The following TNFRSF21 variants were observed in gnomAD, a reference collection of about 807,000 sequenced individuals.
The protein encoded by TNFRSF21 is tumor necrosis factor receptor superfamily member 21.
A neutral mutation model predicts 45.6 loss-of-function variants in TNFRSF21; 19 were observed. That is an observed-to-expected ratio of 0.42 (90% confidence interval 0.29 to 0.61). The LOEUF is 0.61. Ranked by LOEUF, TNFRSF21 falls within the 20% of genes least tolerant of loss-of-function variation. The probability of loss-of-function intolerance (pLI) is 0.23; values close to 1 mark genes in which losing one functional copy is unlikely to be tolerated. For missense variants in TNFRSF21, 737 were observed against 851.5 expected (o/e 0.87, Z 1.67); for synonymous variants, 314 against 335.5 (o/e 0.94, Z 0.70).
intron 1 of TNFRSF21, among the ~76,000 whole-genome samples, chr6:47,300,870 A>C (rs1487721849): frequency 6.6e-6 from 1 of 152,250 alleles, no homozygotes; most frequent in African/African-American, 2.4e-5. Context: ...AATGCCTGAC[A>C]TTTAATAGAT....
chr6:47,270,415 G>A (rs1044868007), intron 3 of TNFRSF21, among the ~76,000 whole-genome samples: 1 of 152,208 alleles, frequency 6.6e-6, no homozygotes, highest in Non-Finnish European at 1.5e-5. Flanking sequence ...ACCTGCAGCT[G>A]AGGGACCTGA....
chr6:47,237,571 T>C (rs1319616461), intron 4 of TNFRSF21, among the ~76,000 whole-genome samples: 1 of 152,178 alleles, frequency 6.6e-6, no homozygotes, highest in Non-Finnish European at 1.5e-5. Flanking sequence ...AAGAAAGCCA[T>C]ATTTCCAGAG....
chr6:47,308,997 C>A (rs1188572707), intron 1 of TNFRSF21, among the ~76,000 whole-genome samples: 1 of 152,192 alleles, frequency 6.6e-6, no homozygotes, highest in East Asian at 1.9e-4. Context: ...CGGCCTCGGC[C>A]GGCCGTGGGA....
chr6:47,238,038 A>G (rs1206388563), intron 4 of TNFRSF21, among the ~76,000 whole-genome samples: 2 of 152,184 alleles, frequency 1.3e-5, no homozygotes, highest in African/African-American at 4.8e-5. Flanking sequence ...CGACGGAGTG[A>G]GACTCTGTCT....
intron 4 of TNFRSF21, among the ~76,000 whole-genome samples, chr6:47,250,386 G>C (rs1764884634): frequency 6.6e-6 from 1 of 152,224 alleles, no homozygotes; most frequent in Non-Finnish European, 1.5e-5. Context: ...TTTAGATATT[G>C]AACTTGAAAG....
chr6:47,256,480 A>G (rs1397167401), intron 3 of TNFRSF21, among the ~76,000 whole-genome samples: 1 of 152,202 alleles, frequency 6.6e-6, no homozygotes, highest in Non-Finnish European at 1.5e-5. Flanking sequence ...CCAAGATTAC[A>G]CAACTGCACT....
intron 1 of TNFRSF21, among the ~76,000 whole-genome samples, chr6:47,304,506 A>G (rs1385348065): frequency 6.6e-6 from 1 of 152,204 alleles, no homozygotes; most frequent in Non-Finnish European, 1.5e-5. Context: ...CACCTGCCAG[A>G]GCCAGCCCAG....
At chr6:47,300,744 C>A (rs1384828785) in intron 1 of TNFRSF21, among the ~76,000 whole-genome samples, 1 of 152,180 alleles carries the variant, frequency 6.6e-6, no homozygotes, top group Non-Finnish European at 1.5e-5. Context: ...TTCCTCCTGG[C>A]ATACTCTTCC....
At chr6:47,299,176 A>T (rs1044469981) in intron 1 of TNFRSF21, among the ~76,000 whole-genome samples, 2 of 152,198 alleles carry the variant, frequency 1.3e-5, no homozygotes, top group African/African-American at 4.8e-5. Flanking sequence ...ATATTCTCAG[A>T]CACAAAGAAA....
At chr6:47,287,328 A>AG in intron 1 of TNFRSF21, among the ~76,000 whole-genome samples, 1 of 149,570 alleles carries the variant, frequency 6.7e-6, no homozygotes, top group African/African-American at 2.4e-5. Flanking sequence ...AAAAAAAAAA[A>AG]AAAAAAGAAA....
intron 3 of TNFRSF21, among the ~76,000 whole-genome samples, chr6:47,253,963 A>G (rs1764942503): frequency 6.6e-6 from 1 of 152,146 alleles, no homozygotes; most frequent in African/African-American, 2.4e-5. Flanking sequence ...CCTTCTTCAC[A>G]ATGTATGGAT....
At position 47,309,631 on chromosome 6, in the gene TNFRSF21, A is replaced by C; in HGVS notation, c.-120T>G. On this transcript the variant is annotated 5_prime_UTR_variant, in exon 1 of 6. Coordinates refer to ENST00000296861, the MANE Select transcript of TNFRSF21 (RefSeq NM_014452.5). ...CGGGCCGGGAGCCCATCTACCTCCA[A>C]CACCCCATGTGCACTGCTGCGGCCG... 6.1e-6 allele frequency: 8 copies of C among 1,301,238 alleles called. No homozygotes were observed. Among genetic ancestry groups the C allele is most frequent in the Non-Finnish European group, 7.9e-6 (8 of 1,013,090 alleles). The allele number at this position is 1,301,238 out of a possible 1,614,324, so 80.6% of individuals were successfully genotyped here. A position where few individuals can be genotyped will look rare whatever the true frequency, so the allele number is the denominator to read the frequency against.
intron 3 of TNFRSF21, among the ~76,000 whole-genome samples, chr6:47,257,796 A>G (rs1472053409): frequency 1.3e-5 from 2 of 152,220 alleles, no homozygotes; most frequent in Non-Finnish European, 2.9e-5. Context: ...ACACATATAT[A>G]AGATGTGTTT....
chr6:47,296,848 G>A (rs773086157), intron 1 of TNFRSF21, among the ~76,000 whole-genome samples: 1 of 152,154 alleles, frequency 6.6e-6, no homozygotes, highest in African/African-American at 2.4e-5. Context: ...ACTGGGGCTG[G>A]GTGTGGTGGT....
chr6:47,308,641 TA>T (rs1561955762), intron 1 of TNFRSF21, among the ~76,000 whole-genome samples: 1 of 152,130 alleles, frequency 6.6e-6, no homozygotes, highest in Non-Finnish European at 1.5e-5. Context: ...TAGCCACAGG[TA>T]AACGAGGGAT....
At chr6:47,242,805 T>C (rs1487442688) in intron 4 of TNFRSF21, among the ~76,000 whole-genome samples, 1 of 152,222 alleles carries the variant, frequency 6.6e-6, no homozygotes, top group Non-Finnish European at 1.5e-5. Context: ...CCACTCACGT[T>C]TGAAAATATT....
intron 1 of TNFRSF21, among the ~76,000 whole-genome samples, chr6:47,303,316 G>T (rs1762897059): frequency 6.6e-6 from 1 of 152,150 alleles, no homozygotes; most frequent in South Asian, 2.1e-4. Context: ...GCCCCCCTTA[G>T]TTTTCTTGTT....
chr6:47,233,175 T>G (rs1035119230), intron 5 of TNFRSF21, among the ~76,000 whole-genome samples, 181 bp from the exon 6 acceptor site: 6 of 151,790 alleles, frequency 4.0e-5, no homozygotes, highest in African/African-American at 1.5e-4. Flanking sequence ...AACACAAGAG[T>G]TTTTACTTGT....
rs192736259 is a variant in TNFRSF21, at chr6:47,267,217, G to A, written c.1244-13696C>T. 9.6e-4 allele frequency among the ~76,000 whole-genome samples: 146 copies of A among 151,812 alleles called. 1 individual carries two copies. Among genetic ancestry groups the A allele is most frequent in the African/African-American group, 3.2e-3 (131 of 41,408 alleles). ...AGGTTCCAGTGATTCTCCTGCCTCA[G>A]CCTCCTGAGTAGCTGGGACTACAGG... On this transcript the variant is annotated intron_variant, in intron 3 of 5. Coordinates refer to ENST00000296861, the MANE Select transcript of TNFRSF21 (RefSeq NM_014452.5).
Sources: allele counts gnomAD v4.1 joint callset (sites outside exome capture counted in the v4.1 genomes callset), GRCh38; gene constraint gnomAD v4.1.1; transcripts MANE v1.5; gene names NCBI Gene and HGNC (gene_info 2026-07-23, HGNC 2026-07-21).